The following FAM117B variants were observed in gnomAD, a reference collection of about 807,000 sequenced individuals.
FAM117B encodes the protein family with sequence similarity 117 member B.
A neutral mutation model predicts 52.8 loss-of-function variants in FAM117B; 22 were observed. The ratio of observed to expected loss-of-function variants is 0.42; its 90% confidence interval spans 0.30 to 0.59. The LOEUF (loss-of-function observed/expected upper bound fraction) is 0.59, where lower values mean the gene tolerates loss of function less well. FAM117B is among the 20% of genes least tolerant of loss of function. The pLI is 0.22. For missense variants in FAM117B, 678 were observed against 802.6 expected (o/e 0.84, Z 1.88); for synonymous variants, 309 against 324.1 (o/e 0.95, Z 0.50).
At chr2:202,716,029 G>T (rs1186883104) in intron 2 of FAM117B, among the ~76,000 whole-genome samples, 2 of 152,204 alleles carry the variant, frequency 1.3e-5, no homozygotes, top group Non-Finnish European at 2.9e-5. Flanking sequence ...CGAGATGGCA[G>T]CAGTACAGTC....
intron 5 of FAM117B, 41 bp from the exon 6 acceptor site, chr2:202,757,171 AT>A (rs775562312): frequency 4.5e-5 from 71 of 1,573,556 alleles, no homozygotes; most frequent in Admixed American, 3.5e-5. Context: ...GTGATTCGAA[AT>A]TAATTATAAA....
At chr2:202,755,415 CT>C (rs1691786264) in intron 4 of FAM117B, 122 bp from the exon 5 acceptor site, 2 of 1,235,566 alleles carry the variant, frequency 1.6e-6, no homozygotes, top group Non-Finnish European at 2.3e-6. Context: ...GTCACTCACA[CT>C]TTTTGTGAGG....
intron 1 of FAM117B, among the ~76,000 whole-genome samples, chr2:202,681,845 A>C (rs1395728754): frequency 6.6e-6 from 1 of 152,212 alleles, no homozygotes; most frequent in African/African-American, 2.4e-5. Flanking sequence ...GCCTGGTACT[A>C]TATGGCCCAG....
chr2:202,635,037 C>T lies in FAM117B; in HGVS notation c.-151C>T. 1 of 1,062,442 alleles carries T rather than the reference C, an allele frequency of 9.4e-7. No individual in the cohort carries two copies. The highest frequency in any genetic ancestry group is 1.2e-6 in the Non-Finnish European group (1 of 834,392). The allele number at this position is 1,062,442 out of a possible 1,614,324, so 65.8% of individuals were successfully genotyped here. Reference sequence around the variant, plus strand: ...GGCGGCTGCACCACCTCGTTGCTGCCTGCCCCGGCCCGGTCTCCCCCTGCA... The same window carrying T: ...GGCGGCTGCACCACCTCGTTGCTGCTTGCCCCGGCCCGGTCTCCCCCTGCA... On this transcript the variant is annotated 5_prime_UTR_variant, in exon 1 of 8. Coordinates refer to ENST00000392238, the MANE Select transcript of FAM117B (RefSeq NM_173511.4).
intron 4 of FAM117B, among the ~76,000 whole-genome samples, chr2:202,752,432 T>C (rs1420755809): frequency 1.3e-5 from 2 of 150,118 alleles, no homozygotes; most frequent in African/African-American, 2.5e-5. Context: ...TTTTTTTTTT[T>C]CCAGTTCTGA....
chr2:202,701,442 T>C (rs995418616), intron 2 of FAM117B, among the ~76,000 whole-genome samples: 1 of 152,190 alleles, frequency 6.6e-6, no homozygotes, highest in African/African-American at 2.4e-5. Flanking sequence ...TTGCAGCCCA[T>C]GGTTCCAAGA....
In FAM117B at chr2:202,635,776, G is replaced by C; in HGVS notation, c.589G>C (p.Val197Leu). 6.9e-7 allele frequency: 1 copy of C among 1,453,704 alleles called. No individual in the cohort carries two copies. Among genetic ancestry groups the C allele is most frequent in the Non-Finnish European group, 9.0e-7 (1 of 1,105,324 alleles). 90.1% of individuals were successfully genotyped at this position (1,453,704 alleles called of 1,614,324 possible). A position where few individuals can be genotyped will look rare whatever the true frequency, so the allele number is the denominator to read the frequency against. The stretch of plus-strand genomic sequence containing the variant: ...GGAGAAGAGGAGCCCCAGCGCCCCG[G>C]TTTGCAAAGCAGGTAAGTGCTGGGG... ...SPEKRSPSAP[V>L]CKAGDKTRQP... Residue 197 changes from valine to leucine, a missense_variant, in exon 1 of 8, where the codon GTT (valine) becomes CTT (leucine). Transcript: ENST00000392238.
chr2:202,675,604 A>G (rs975971070), intron 1 of FAM117B, among the ~76,000 whole-genome samples: 3 of 152,136 alleles, frequency 2.0e-5, no homozygotes, highest in African/African-American at 7.2e-5. Flanking sequence ...GATGGCTCCC[A>G]GTTGTTCCCA....
chr2:202,645,374 C>T (rs1296906766), intron 1 of FAM117B, among the ~76,000 whole-genome samples: 5 of 151,756 alleles, frequency 3.3e-5, no homozygotes, highest in South Asian at 4.2e-4. Context: ...CTGCAGGCTC[C>T]GCCCCCCGGG....
chr2:202,734,313 G>A (rs1003407146), intron 4 of FAM117B, among the ~76,000 whole-genome samples: 1 of 152,136 alleles, frequency 6.6e-6, no homozygotes, highest in Non-Finnish European at 1.5e-5. Context: ...CTTGAGCCCA[G>A]GAGTTCAAGA....
intron 1 of FAM117B, among the ~76,000 whole-genome samples, chr2:202,692,193 A>G (rs1033309067): frequency 3.9e-5 from 6 of 152,230 alleles, no homozygotes; most frequent in Admixed American, 6.5e-5. Context: ...TGTATTTGCC[A>G]TCTTATAGAA....
chr2:202,660,235 C>T (rs1236337246), intron 1 of FAM117B, among the ~76,000 whole-genome samples: 1 of 151,574 alleles, frequency 6.6e-6, no homozygotes, highest in Admixed American at 6.6e-5. Context: ...TTGGTGTCTC[C>T]TGCTTGTTTG....
At chr2:202,672,421 C>G (rs1057287928) in intron 1 of FAM117B, among the ~76,000 whole-genome samples, 2 of 152,146 alleles carry the variant, frequency 1.3e-5, no homozygotes, top group African/African-American at 4.8e-5. Context: ...CCATGTTGGC[C>G]AGGGCTGATC....
At position 202,635,145 on chromosome 2, in the gene FAM117B, C is replaced by G. The variant is rs1027352467; in HGVS notation, c.-43C>G. Reference sequence around the variant, plus strand: ...TCCTCCCCCTGCAGCCCAACAACAACAAAACCCCCCGTCTCGCCCAGTCAC... The same window carrying G: ...TCCTCCCCCTGCAGCCCAACAACAAGAAAACCCCCCGTCTCGCCCAGTCAC... On this transcript the variant is annotated 5_prime_UTR_variant, in exon 1 of 8. Coordinates refer to ENST00000392238, the MANE Select transcript of FAM117B (RefSeq NM_173511.4). 11 of 1,254,496 alleles carry G rather than the reference C, an allele frequency of 8.8e-6. No individual in the cohort carries two copies. The highest frequency in any genetic ancestry group is 1.1e-5 in the Non-Finnish European group (11 of 999,204). The allele number at this position is 1,254,496 out of a possible 1,614,324, so 77.7% of individuals were successfully genotyped here.
At chr2:202,733,032 G>C (rs1691381564) in intron 4 of FAM117B, among the ~76,000 whole-genome samples, 1 of 152,072 alleles carries the variant, frequency 6.6e-6, no homozygotes, top group Non-Finnish European at 1.5e-5. Context: ...GTGTCGGCTA[G>C]TCTGAGAAAT....
intron 1 of FAM117B, among the ~76,000 whole-genome samples, chr2:202,660,351 A>T (rs1366068199): frequency 6.6e-6 from 1 of 152,088 alleles, no homozygotes; most frequent in Non-Finnish European, 1.5e-5. Flanking sequence ...TTCATACTCC[A>T]AGTGTCATCT....
chr2:202,745,890 G>A (rs139282188), intron 4 of FAM117B, among the ~76,000 whole-genome samples: 19 of 152,294 alleles, frequency 1.2e-4, no homozygotes, highest in Admixed American at 6.5e-4. Context: ...AATTCAGCAA[G>A]AGGATATAAC....
chr2:202,731,710 G>A (rs975479213), intron 4 of FAM117B, among the ~76,000 whole-genome samples: 4 of 151,792 alleles, frequency 2.6e-5, no homozygotes, highest in African/African-American at 4.8e-5. Flanking sequence ...GATTACAGAC[G>A]TGAGCCACTG....
In FAM117B at chr2:202,635,210, A is replaced by G. The variant is rs1455382938; in HGVS notation, c.23A>G (p.Asn8Ser). 4.6e-6 allele frequency: 6 copies of G among 1,298,664 alleles called. No individual in the cohort carries two copies. The highest frequency in any genetic ancestry group is 6.2e-5 in the East Asian group (2 of 32,182). 80.4% of individuals were successfully genotyped at this position (1,298,664 alleles called of 1,614,324 possible). A position where few individuals can be genotyped will look rare whatever the true frequency, so the allele number is the denominator to read the frequency against. The change falls in exon 1 of 8, where the codon AAT (asparagine) becomes AGT (serine). Residue 8 changes from asparagine (N) to serine (S), a missense_variant. By Grantham distance (46) the Asn-to-Ser change is conservative. Around this residue, in one of 3 missense-constraint regions of FAM117B, gnomAD observed 583 missense variants for 644.8 expected, o/e 0.90. Transcript: ENST00000392238. MSQRVRR[N>S]GSPTPAGSLG... Reference sequence around the variant, plus strand: ...ACCATGTCCCAGCGGGTGAGGCGCAATGGGTCCCCCACGCCGGCCGGCTCC... The same window carrying G: ...ACCATGTCCCAGCGGGTGAGGCGCAGTGGGTCCCCCACGCCGGCCGGCTCC...
Sources: gnomAD v4.1 joint callset for allele counts (sites outside exome capture counted in the v4.1 genomes callset) on GRCh38, gnomAD v4.1.1 for gene constraint, gnomAD v4.1.1 regional missense constraint, MANE v1.5 for transcripts, NCBI Gene and HGNC (gene_info 2026-07-23, HGNC 2026-07-21) for gene names.